ANKRD31: variants seen among roughly 807,000 people sequenced by gnomAD.
ANKRD31 encodes the protein ankyrin repeat domain 31.
A neutral mutation model predicts 186.0 loss-of-function variants in ANKRD31; 147 were observed. That is an observed-to-expected ratio of 0.79 (90% CI 0.69 to 0.91). The LOEUF (loss-of-function observed/expected upper bound fraction) is 0.91. Ranked by LOEUF, ANKRD31 falls within the 40% of genes least tolerant of loss-of-function variation. The pLI, the probability that ANKRD31 is intolerant of heterozygous loss-of-function variation, is 0.00. For synonymous variants in ANKRD31, 673 were observed against 736.4 expected, an observed-to-expected ratio of 0.91 and a Z score of 1.39; for missense variants, 1,986 against 2,148.8, an observed-to-expected ratio of 0.92 and a Z score of 1.50.
At chr5:75,208,410 T>C (rs1756391605) in intron 4 of ANKRD31, among the ~76,000 whole-genome samples, 1 of 152,072 alleles carries the variant, frequency 6.6e-6, no homozygotes, top group Non-Finnish European at 1.5e-5. Flanking sequence ...CCATCTGAGC[T>C]TTCCCCTCAC....
chr5:75,104,925 G>A lies in ANKRD31; in HGVS notation c.4634C>T (p.Ser1545Phe). 2.7e-5 allele frequency: 42 copies of A among 1,537,130 alleles called. No homozygotes were observed. Among genetic ancestry groups the A allele is most frequent in the Non-Finnish European group, 3.6e-5 (41 of 1,146,876 alleles). ...TTGGCTGTAGTTCCAAGTTTCCAGA[G>A]ACAATTGTGTTTCCTGCATGCTTCC... ...VSGSMQETQL[S>F]LETWNYSQNT... The change falls in exon 22 of 26, where the codon TCT becomes TTT. Residue 1545 changes from serine (S) to phenylalanine (F), a missense_variant. Coordinates refer to ENST00000506364, the MANE Select transcript of ANKRD31 (RefSeq NM_001372053.1).
intron 5 of ANKRD31, among the ~76,000 whole-genome samples, chr5:75,200,758 C>T (rs1755770766): frequency 6.6e-6 from 1 of 150,958 alleles, no homozygotes; most frequent in Non-Finnish European, 1.5e-5. Flanking sequence ...ACTAAAAATA[C>T]AAAAATTAGC....
intron 25 of ANKRD31, among the ~76,000 whole-genome samples, chr5:75,079,278 T>TA (rs1419103450): frequency 1.3e-5 from 2 of 152,240 alleles, no homozygotes; most frequent in Non-Finnish European, 2.9e-5. Flanking sequence ...AAATGATATG[T>TA]AAACAGATTG....
intron 10 of ANKRD31, among the ~76,000 whole-genome samples, chr5:75,184,137 A>G (rs1441678415): frequency 1.3e-5 from 2 of 152,178 alleles, no homozygotes; most frequent in Non-Finnish European, 2.9e-5. Flanking sequence ...GGTGCCAAAA[A>G]TACACACTGG....
intron 11 of ANKRD31, among the ~76,000 whole-genome samples, chr5:75,166,000 G>A (rs893620323): frequency 2.6e-5 from 4 of 152,132 alleles, no homozygotes; most frequent in Admixed American, 6.5e-5. Flanking sequence ...ATGATATCGC[G>A]AGTATGAAAA....
At chr5:75,135,431 A>G (rs1246552234) in intron 17 of ANKRD31, among the ~76,000 whole-genome samples, 2 of 152,238 alleles carry the variant, frequency 1.3e-5, no homozygotes, top group Non-Finnish European at 2.9e-5. Context: ...TTCCAAGAGA[A>G]TAAAATACCT....
chr5:75,093,493 A>G (rs570750465), intron 22 of ANKRD31, among the ~76,000 whole-genome samples: 1 of 152,190 alleles, frequency 6.6e-6, no homozygotes, highest in East Asian at 1.9e-4. Flanking sequence ...AACAACAACA[A>G]CAACAACAAA....
In ANKRD31 at chr5:75,104,847, C is replaced by G; in HGVS notation, c.4712G>C (p.Gly1571Ala). ...SEAVRRGEFSGNDMNSKQNGS... is the reference protein window; with the variant it reads ...SEAVRRGEFSANDMNSKQNGS... ...ATTTTGTTTAGAATTCATATCATTT[C>G]CAGAAAATTCTCCCCTTCTCACTGC... The change falls in exon 22 of 26, where the codon GGA becomes GCA. Residue 1571 changes from glycine to alanine, a missense_variant. Physicochemically the swap from Gly to Ala is moderately conservative, Grantham distance 60. Transcript: ENST00000506364. 2 of 1,537,150 alleles carry G rather than the reference C, an allele frequency of 1.3e-6. No homozygotes were observed. Among genetic ancestry groups the G allele is most frequent in the Non-Finnish European group, 1.7e-6 (2 of 1,146,888 alleles).
chr5:75,223,140 C>T (rs1297211389), intron 2 of ANKRD31, among the ~76,000 whole-genome samples: 2 of 152,208 alleles, frequency 1.3e-5, no homozygotes, highest in Non-Finnish European at 1.5e-5. Flanking sequence ...ACCATTCTGA[C>T]AGGCATGAGA....
rs1561519357 is a variant in ANKRD31, at chr5:75,188,549, T to A, written c.1508A>T (p.Asp503Val). The A allele has an allele frequency of 2.6e-6, 4 of 1,536,550 alleles. No individual in the cohort carries two copies. Residue 503 changes from aspartate (D) to valine (V), a missense_variant, in exon 10 of 26, where the codon GAT (aspartate) becomes GTT (valine). Coordinates refer to ENST00000506364, the MANE Select transcript of ANKRD31 (RefSeq NM_001372053.1). ...TTTTTTTATACAATGATGAACAAGA[T>A]CAGCATCATCGTGTAGAGCAGCCTT... Reference protein sequence around the residue: ...VYKAALHDDADLVHHCIKKGG... With the variant: ...VYKAALHDDAVLVHHCIKKGG...
intron 22 of ANKRD31, 135 bp from the exon 23 acceptor site, chr5:75,091,536 T>C: frequency 2.5e-6 from 2 of 810,792 alleles, no homozygotes; most frequent in Non-Finnish European, 3.7e-6. Context: ...AAATTTAATG[T>C]ATCTAGAAAT....
intron 10 of ANKRD31, among the ~76,000 whole-genome samples, chr5:75,182,702 A>G (rs1252209054): frequency 2.0e-5 from 3 of 151,670 alleles, no homozygotes; most frequent in Non-Finnish European, 2.9e-5. Flanking sequence ...CTGGGTGACA[A>G]GAGTGAGAGT....
At chr5:75,094,454 G>A (rs6865362) in intron 22 of ANKRD31, among the ~76,000 whole-genome samples, 8,264 of 152,156 alleles carry the variant, frequency 0.054, 518 homozygotes, top group African/African-American at 0.15. Flanking sequence ...AATTAAGTTA[G>A]TATGAATCTG....
At chr5:75,108,865 G>T (rs564521614) in intron 20 of ANKRD31, among the ~76,000 whole-genome samples, 24 of 152,226 alleles carry the variant, frequency 1.6e-4, no homozygotes, top group African/African-American at 5.3e-4. Context: ...TTATCTATGT[G>T]CCCTGTCATC....
chr5:75,113,538 T>C (rs536336692), intron 19 of ANKRD31, among the ~76,000 whole-genome samples: 19 of 152,332 alleles, frequency 1.2e-4, no homozygotes, highest in Non-Finnish European at 5.9e-5. Flanking sequence ...TGTGGGTTCA[T>C]AGCTATTGCT....
chr5:75,135,253 T>C (rs1156673725), intron 17 of ANKRD31, among the ~76,000 whole-genome samples: 1 of 152,246 alleles, frequency 6.6e-6, no homozygotes, highest in African/African-American at 2.4e-5. Context: ...GACATGATTG[T>C]ATATTTAGGA....
At chr5:75,117,183 A>T (rs999711693) in intron 18 of ANKRD31, among the ~76,000 whole-genome samples, 1 of 152,168 alleles carries the variant, frequency 6.6e-6, no homozygotes, top group African/African-American at 2.4e-5. Context: ...CAAGGAAACA[A>T]GAAACAGTAG....
rs200603714 is a variant in ANKRD31 at position 75,165,449 on chromosome 5, TA to T, written c.1707+3529del. ...TGTATTAAGAAACAAATGTTTAGCT[TA>T]AAAAAAGACATACGAGTAGGTAGAG... On this transcript the variant is annotated intron_variant, in intron 11 of 25. Coordinates refer to ENST00000506364, the MANE Select transcript of ANKRD31 (RefSeq NM_001372053.1). Among the ~76,000 whole-genome samples the T allele has an allele frequency of 2.4e-3, 371 of 152,208 alleles. 9 individuals carry two copies. In the East Asian group the frequency reaches 0.062, roughly 25 times the overall value.
At chr5:75,091,424 A>G in intron 22 of ANKRD31, 23 bp from the exon 23 acceptor site, 1 of 1,516,862 alleles carries the variant, frequency 6.6e-7, no homozygotes, top group African/African-American at 1.4e-5. Context: ...ATAAAACAGA[A>G]ATTAAGGTCA....
Sources: allele counts gnomAD v4.1 joint callset (sites outside exome capture counted in the v4.1 genomes callset), GRCh38; gene constraint gnomAD v4.1.1; transcripts MANE v1.5; gene names NCBI Gene and HGNC (gene_info 2026-07-23, HGNC 2026-07-21).